Variants in KLHL29 observed in about 807,000 individuals in gnomAD.
The protein encoded by KLHL29 is kelch like family member 29, also known as kelch-like protein 29.
In KLHL29, 21 loss-of-function variants were observed where a neutral mutation model predicts 80.4. The observed-to-expected ratio is 0.26, with a 90% CI of 0.19 to 0.38. KLHL29 has a LOEUF of 0.38. Among genes scored for constraint, KLHL29 ranks in the 10% least tolerant of loss-of-function variants. KLHL29 has a pLI of 1.00. For synonymous variants in KLHL29, 511 were observed against 526.8 expected, an observed-to-expected ratio of 0.97 and a Z score of 0.41; for missense variants, 867 against 1,223.9, an observed-to-expected ratio of 0.71 and a Z score of 4.35.
chr2:23,425,256 A>G (rs942198822), intron 1 of KLHL29, among the ~76,000 whole-genome samples: 3 of 152,206 alleles, frequency 2.0e-5, no homozygotes, highest in African/African-American at 7.2e-5. Flanking sequence ...GAAATTATAG[A>G]TTACTGTGAA....
intron 6 of KLHL29, among the ~76,000 whole-genome samples, chr2:23,687,959 C>T (rs1671348838): frequency 6.6e-6 from 1 of 152,124 alleles, no homozygotes. Flanking sequence ...CAGCCTGCGG[C>T]CGAGTCCCTT....
Position 23,695,489 on chromosome 2 carries a change from C to T in KLHL29, c.1543-134C>T. On this transcript the variant is annotated intron_variant, in intron 8 of 13. Coordinates refer to ENST00000486442, the MANE Select transcript of KLHL29 (RefSeq NM_052920.2). The surrounding 1 kb of genome is among the most constrained non-coding windows in gnomAD (Gnocchi z 7.6). Reference sequence around the variant, plus strand: ...TTCCCTTCACCTCTGTCTAGGCTAGCAGAGTATCTACACTCCCAAGCCTAA... The same window carrying T: ...TTCCCTTCACCTCTGTCTAGGCTAGTAGAGTATCTACACTCCCAAGCCTAA... The T allele has an allele frequency of 1.5e-6, 1 of 676,096 alleles. No individual in the cohort carries two copies. The highest frequency in any genetic ancestry group is 1.8e-5 in the African/African-American group (1 of 55,266). 41.9% of individuals were successfully genotyped at this position (676,096 alleles called of 1,614,324 possible).
intron 1 of KLHL29, among the ~76,000 whole-genome samples, chr2:23,397,187 TGG>T (rs1210955243): frequency 1.3e-5 from 2 of 152,136 alleles, no homozygotes; most frequent in African/African-American, 4.8e-5. Context: ...GCTGCCTTGA[TGG>T]GATAAAGGCA....
At chr2:23,620,200 G>A (rs1319385163) in intron 3 of KLHL29, among the ~76,000 whole-genome samples, 6 of 152,214 alleles carry the variant, frequency 3.9e-5, no homozygotes, top group African/African-American at 1.4e-4. Context: ...GGCAGAGCAT[G>A]AAGTGCCAGC....
intron 5 of KLHL29, among the ~76,000 whole-genome samples, chr2:23,677,113 A>AATAGAAG (rs1431615242): frequency 2.0e-5 from 3 of 152,224 alleles, no homozygotes; most frequent in Non-Finnish European, 4.4e-5. Flanking sequence ...TAAGGAGAAA[A>AATAGAAG]ATAGAAGCAA....
In KLHL29 at chr2:23,541,357, G is replaced by C. The variant is rs539999017; in HGVS notation, c.-45-20795G>C. Among the ~76,000 whole-genome samples, 6 of 152,348 alleles carry C rather than the reference G, an allele frequency of 3.9e-5. No homozygotes were observed. In the South Asian group the frequency reaches 1.2e-3, roughly 32 times the overall value. ...GGAGAAGGCCAGAGGAGAGAACCGG[G>C]CTCCAGAACTCAAGGGGCTTCCTTC... On this transcript the variant is annotated intron_variant, in intron 2 of 13. Transcript: ENST00000486442.
intron 3 of KLHL29, among the ~76,000 whole-genome samples, chr2:23,563,125 A>G (rs1263698970): frequency 6.6e-6 from 1 of 152,226 alleles, no homozygotes; most frequent in Non-Finnish European, 1.5e-5. Context: ...GGCTTCAGGG[A>G]TGTCAGCGCC....
intron 12 of KLHL29, 89 bp downstream of exon 12, chr2:23,703,468 TA>T: frequency 8.2e-7 from 1 of 1,221,588 alleles, no homozygotes; most frequent in Non-Finnish European, 1.1e-6. Flanking sequence ...GAAGTCAGGC[TA>T]AGCCCAACAG....
intron 5 of KLHL29, among the ~76,000 whole-genome samples, chr2:23,670,922 CTCT>C (rs1670708702): frequency 4.3e-4 from 1 of 2,334 alleles, no homozygotes; most frequent in African/African-American, 1.5e-3. Flanking sequence ...CACGCGCTCT[CTCT>C]CTCTCTCTCT....
intron 3 of KLHL29, 44 bp from the exon 4 acceptor site, chr2:23,639,095 G>T (rs996217598): frequency 2.7e-6 from 4 of 1,481,086 alleles, no homozygotes; most frequent in Non-Finnish European, 3.6e-6. Flanking sequence ...CTGGAGGCTG[G>T]TCTCTGGCCA....
At chr2:23,410,296 A>T (rs926491518) in intron 1 of KLHL29, among the ~76,000 whole-genome samples, 1 of 143,580 alleles carries the variant, frequency 7.0e-6, no homozygotes, top group Non-Finnish European at 1.5e-5. Context: ...AGTTGAGGGG[A>T]TGGTGCATGT....
At chr2:23,586,927 C>T (rs747384813) in intron 3 of KLHL29, among the ~76,000 whole-genome samples, 4 of 152,196 alleles carry the variant, frequency 2.6e-5, no homozygotes, top group Non-Finnish European at 5.9e-5. Context: ...TCGCAAGCCT[C>T]AGCGACATTT....
intron 5 of KLHL29, among the ~76,000 whole-genome samples, chr2:23,648,354 T>G (rs965531663): frequency 6.6e-6 from 1 of 152,128 alleles, no homozygotes; most frequent in African/African-American, 2.4e-5. Flanking sequence ...ACTATAAAAC[T>G]GTTCACTGTG....
At position 23,684,328 on chromosome 2, in the gene KLHL29, A is replaced by C; in HGVS notation, c.941-71A>C. Reference sequence around the variant, plus strand: ...CTCTACTTCTTGAAAAAAGAAAAAAAACTTTTTTTAATTAAAAAAAAAAAA... The same window carrying C: ...CTCTACTTCTTGAAAAAAGAAAAAACACTTTTTTTAATTAAAAAAAAAAAA... On this transcript the variant is annotated intron_variant, in intron 5 of 13. Coordinates refer to ENST00000486442, the MANE Select transcript of KLHL29 (RefSeq NM_052920.2). The surrounding 1 kb of genome is among the most constrained non-coding windows in gnomAD (Gnocchi z 4.4). 2 of 1,194,082 alleles carry C rather than the reference A, an allele frequency of 1.7e-6. No homozygotes were observed. Among genetic ancestry groups the C allele is most frequent in the Non-Finnish European group, 2.2e-6 (2 of 912,552 alleles). 74.0% of individuals were successfully genotyped at this position (1,194,082 alleles called of 1,614,324 possible).
At chr2:23,519,731 C>T (rs1231958225) in intron 2 of KLHL29, among the ~76,000 whole-genome samples, 1 of 152,118 alleles carries the variant, frequency 6.6e-6, no homozygotes, top group Non-Finnish European at 1.5e-5. Flanking sequence ...AGACATGAGA[C>T]ATCAATCAAT....
At chr2:23,415,852 C>T (rs1666973958) in intron 1 of KLHL29, among the ~76,000 whole-genome samples, 1 of 152,078 alleles carries the variant, frequency 6.6e-6, no homozygotes, top group African/African-American at 2.4e-5. Context: ...GTGTGCACCA[C>T]CACACCCTGT....
intron 5 of KLHL29, among the ~76,000 whole-genome samples, chr2:23,652,637 G>T (rs11884816): frequency 2.0e-5 from 3 of 152,140 alleles, no homozygotes; most frequent in African/African-American, 7.2e-5. Context: ...GGTGGCCCAG[G>T]GAGACGGACT....
chr2:23,399,736 A>G (rs992589431), intron 1 of KLHL29, among the ~76,000 whole-genome samples: 1 of 151,896 alleles, frequency 6.6e-6, no homozygotes. Context: ...CTTCTGGTCA[A>G]CCCCCATCTT....
In KLHL29 at chr2:23,706,553, C is replaced by T. The variant is rs1672736560; in HGVS notation, c.2517C>T (p.Asn839=). The T allele has an allele frequency of 6.5e-7, 1 of 1,537,046 alleles. No homozygotes were observed. The highest frequency in any genetic ancestry group is 2.0e-5 in the Admixed American group (1 of 50,962). ...IVSSEGPALG[N]MEAYEPTTNT... is the part of the protein sequence containing the mutation. ...GCAGTGAAGGGCCCGCGCTGGGCAA[C>T]ATGGAGGCCTACGAGCCCACAACCA... is the stretch of plus-strand genomic sequence containing the variant. The change falls in exon 14 of 14, where the codon AAC becomes AAT. Residue 839 remains asparagine, a synonymous_variant. Coordinates refer to ENST00000486442, the MANE Select transcript of KLHL29 (RefSeq NM_052920.2).
Sources: gnomAD v4.1 joint callset for allele counts (sites outside exome capture counted in the v4.1 genomes callset) on GRCh38, gnomAD v4.1.1 for gene constraint, Gnocchi (gnomAD v3.1) non-coding constraint, MANE v1.5 for transcripts, NCBI Gene and HGNC (gene_info 2026-07-23, HGNC 2026-07-21) for gene names.